The following HNF4G variants were observed in gnomAD, a reference collection of about 807,000 sequenced individuals.
HNF4G encodes the protein hepatocyte nuclear factor 4-gamma.
HNF4G carries 21 observed loss-of-function variants against 50.9 expected under a neutral mutation model. The observed-to-expected ratio is 0.41, with a 90% CI of 0.29 to 0.59. The LOEUF is 0.59. Among genes scored for constraint, HNF4G ranks in the 20% least tolerant of loss-of-function variants. The pLI is 0.26. For missense variants in HNF4G, 527 were observed against 559.4 expected (o/e 0.94, Z 0.58); for synonymous variants, 198 against 185.6 (o/e 1.07, Z -0.54).
intron 2 of HNF4G, among the ~76,000 whole-genome samples, chr8:75,503,284 A>G (rs1812979876): frequency 6.6e-6 from 1 of 152,212 alleles, no homozygotes; most frequent in South Asian, 2.1e-4. Flanking sequence ...TCCTCTTTGT[A>G]AAATAAAGAG....
chr8:75,491,333 C>T (rs1004089237), intron 2 of HNF4G, among the ~76,000 whole-genome samples: 1 of 151,852 alleles, frequency 6.6e-6, no homozygotes, highest in African/African-American at 2.4e-5. Context: ...TATACAATAC[C>T]AATAAATACA....
chr8:75,536,367 G>A (rs183030283), upstream of HNF4G, among the ~76,000 whole-genome samples: 2 of 152,022 alleles, frequency 1.3e-5, no homozygotes, highest in Non-Finnish European at 1.5e-5. Flanking sequence ...AATTTCTGTT[G>A]AATGTAGGGT....
upstream of HNF4G, among the ~76,000 whole-genome samples, chr8:75,539,075 C>G (rs529375732): frequency 5.3e-5 from 8 of 152,004 alleles, no homozygotes; most frequent in South Asian, 1.5e-3. Flanking sequence ...CCTAGATGTT[C>G]CTTGTCAAAT....
At chr8:75,437,730 A>G (rs1418616798) in intron 1 of HNF4G, among the ~76,000 whole-genome samples, 1 of 152,022 alleles carries the variant, frequency 6.6e-6, no homozygotes, top group African/African-American at 2.4e-5. Flanking sequence ...CTTCCAGAAA[A>G]CAATAAATAT....
chr8:75,565,357 A>C lies in HNF4G; in HGVS notation c.*1261A>C, dbSNP rs1429916507. On this transcript the variant is annotated 3_prime_UTR_variant, in exon 10 of 10. Transcript: ENST00000396423. Reference sequence around the variant, plus strand: ...AGAAACCACTTTTGTAGTTTTAACCAGACTTTCTCTTAAAAACATTAGATA... The same window carrying C: ...AGAAACCACTTTTGTAGTTTTAACCCGACTTTCTCTTAAAAACATTAGATA... 1 of 151,780 alleles carries C rather than the reference A, an allele frequency of 6.6e-6. No individual in the cohort carries two copies. The highest frequency in any genetic ancestry group is 2.4e-5 in the African/African-American group (1 of 41,318). The allele number at this position is 151,780 out of a possible 1,614,324, so 9.4% of individuals were successfully genotyped here.
chr8:75,548,279 C>T (rs1806849178), intron 3 of HNF4G, among the ~76,000 whole-genome samples: 1 of 152,158 alleles, frequency 6.6e-6, no homozygotes, highest in Admixed American at 6.5e-5. Context: ...GCCACCACAC[C>T]TGACACAAAT....
intron 2 of HNF4G, among the ~76,000 whole-genome samples, chr8:75,516,386 C>T (rs983556707): frequency 6.6e-6 from 1 of 151,670 alleles, no homozygotes; most frequent in African/African-American, 2.4e-5. Flanking sequence ...TTCCAGGTAT[C>T]TTTTTATTAT....
chr8:75,493,842 C>CA (rs747267648), intron 2 of HNF4G, among the ~76,000 whole-genome samples: 14 of 151,602 alleles, frequency 9.2e-5, no homozygotes, highest in Middle Eastern at 3.4e-3. Context: ...TATTCTTTTT[C>CA]AAAAAAAATG....
At chr8:75,481,889 G>T (rs1302894768) in intron 1 of HNF4G, among the ~76,000 whole-genome samples, 1 of 152,112 alleles carries the variant, frequency 6.6e-6, no homozygotes, top group Non-Finnish European at 1.5e-5. Context: ...ACTCTGGACT[G>T]CATACCCTGT....
At chr8:75,529,895 C>T (rs945497510) in intron 2 of HNF4G, among the ~76,000 whole-genome samples, 2 of 152,006 alleles carry the variant, frequency 1.3e-5, no homozygotes, top group African/African-American at 2.4e-5. Flanking sequence ...GTTGTCCTCT[C>T]CTCCAAACTT....
intron 1 of HNF4G, among the ~76,000 whole-genome samples, chr8:75,408,974 A>G (rs563033971): frequency 1.3e-5 from 2 of 152,176 alleles, no homozygotes; most frequent in African/African-American, 2.4e-5. Context: ...TTGTCATTAA[A>G]CATTCTTCCT....
intron 2 of HNF4G, among the ~76,000 whole-genome samples, chr8:75,530,053 C>T (rs1440610378): frequency 6.6e-6 from 1 of 152,000 alleles, no homozygotes; most frequent in Admixed American, 6.6e-5. Context: ...GGACTTGTGC[C>T]ACAGGATCCT....
At chr8:75,516,787 C>T (rs925679985) in intron 2 of HNF4G, among the ~76,000 whole-genome samples, 1 of 151,940 alleles carries the variant, frequency 6.6e-6, no homozygotes, top group Admixed American at 6.6e-5. Flanking sequence ...AAGAATTGAC[C>T]CCTTTATCAT....
intron 1 of HNF4G, among the ~76,000 whole-genome samples, chr8:75,440,900 C>T (rs866384542): frequency 3.3e-5 from 5 of 151,958 alleles, no homozygotes; most frequent in Non-Finnish European, 7.4e-5. Flanking sequence ...CTATATTGCC[C>T]AGGCTGGAGT....
chr8:75,520,507 G>T (rs527486196), intron 2 of HNF4G, among the ~76,000 whole-genome samples: 22 of 151,784 alleles, frequency 1.4e-4, no homozygotes, highest in Non-Finnish European at 2.8e-4. Context: ...AAATGATCTT[G>T]GCTCACTGCA....
chr8:75,417,444 ATG>A (rs918249387), intron 1 of HNF4G, among the ~76,000 whole-genome samples: 10 of 152,242 alleles, frequency 6.6e-5, no homozygotes, highest in African/African-American at 2.4e-4. Flanking sequence ...AGTCAAGGAG[ATG>A]TTATGAATAC....
At chr8:75,441,309 A>C (rs571018384) in intron 1 of HNF4G, among the ~76,000 whole-genome samples, 1 of 151,582 alleles carries the variant, frequency 6.6e-6, no homozygotes, top group South Asian at 2.1e-4. Flanking sequence ...GCAATGGCAC[A>C]GTCTCTGCAC....
intron 2 of HNF4G, among the ~76,000 whole-genome samples, chr8:75,533,603 A>G (rs1488967138): frequency 1.3e-5 from 2 of 151,862 alleles, no homozygotes; most frequent in African/African-American, 4.8e-5. Context: ...ATTATGTCCT[A>G]TATTCTTGAA....
intron 5 of HNF4G, among the ~76,000 whole-genome samples, chr8:75,555,047 CT>C (rs1034855521): frequency 6.6e-6 from 1 of 152,128 alleles, no homozygotes; most frequent in Admixed American, 6.5e-5. Flanking sequence ...GCACTGACCC[CT>C]CTCACGCCTC....
Sources: gnomAD v4.1 joint callset for allele counts (sites outside exome capture counted in the v4.1 genomes callset) on GRCh38, gnomAD v4.1.1 for gene constraint, MANE v1.5 for transcripts, NCBI Gene and HGNC (gene_info 2026-07-23, HGNC 2026-07-21) for gene names.